Variants in GALNTL6 observed in about 807,000 individuals in gnomAD.
GALNTL6 encodes the protein polypeptide N-acetylgalactosaminyltransferase like 6, also known as polypeptide N-acetylgalactosaminyltransferase-like 6.
Under a neutral mutation model 73.7 loss-of-function variants are expected in GALNTL6, and 46 were observed. The observed-to-expected ratio is 0.62, with a 90% CI of 0.49 to 0.80. The LOEUF (loss-of-function observed/expected upper bound fraction) is 0.80, where lower values mean the gene tolerates loss of function less well. Ranked by LOEUF, GALNTL6 falls within the 30% of genes least tolerant of loss-of-function variation. The pLI, the probability that GALNTL6 is intolerant of heterozygous loss-of-function variation, is 0.00. For synonymous variants in GALNTL6, 259 were observed against 263.7 expected (o/e 0.98, Z 0.17); for missense variants, 604 against 755.0 (o/e 0.80, Z 2.34).
At chr4:172,826,247 T>C (rs1325587240) in intron 7 of GALNTL6, among the ~76,000 whole-genome samples, 1 of 152,336 alleles carries the variant, frequency 6.6e-6, no homozygotes, top group Admixed American at 6.5e-5. Context: ...TCTTGATCAA[T>C]ATACCTTCAA....
intron 4 of GALNTL6, among the ~76,000 whole-genome samples, chr4:172,334,846 T>A (rs1289789187): frequency 1.3e-5 from 2 of 152,226 alleles, no homozygotes; most frequent in Admixed American, 6.5e-5. Flanking sequence ...TTCAGTAGGA[T>A]GTTTGGCTGT....
intron 5 of GALNTL6, among the ~76,000 whole-genome samples, chr4:172,450,963 C>G (rs559374960): frequency 1.3e-5 from 2 of 152,168 alleles, no homozygotes; most frequent in Non-Finnish European, 2.9e-5. Flanking sequence ...TATGTACTTA[C>G]TGTCTGTCTT....
rs1200612903 is a variant in GALNTL6 at position 173,003,428 on chromosome 4, T to TC, written c.1372-5750_1372-5749insC. ...TGTTCATCTGCATTCTCCTTCGACT[T>TC]AAGTGCCGTGAGCAATCCCATGATA... On this transcript the variant is annotated intron_variant, in intron 10 of 12. Coordinates refer to ENST00000506823, the MANE Select transcript of GALNTL6 (RefSeq NM_001034845.3). Among the ~76,000 whole-genome samples the TC allele has an allele frequency of 2.6e-5, 4 of 152,284 alleles. No homozygotes were observed. The East Asian group carries it at 7.7e-4, about 29-fold the overall frequency.
intron 10 of GALNTL6, among the ~76,000 whole-genome samples, chr4:172,960,471 T>G (rs886539516): frequency 6.6e-6 from 1 of 151,798 alleles, no homozygotes; most frequent in Non-Finnish European, 1.5e-5. Flanking sequence ...AGGAGCAGCC[T>G]GGGGAGGAGG....
rs184696141 is a variant in GALNTL6, at chr4:171,910,106, A to G, written c.138+95388A>G. On this transcript the variant is annotated intron_variant, in intron 2 of 12. Transcript: ENST00000506823. ...AATAGTATATTTCTTTTCTAGAAAC[A>G]CTTAGCTAGCATAAAGCTTTTTAGT... is the stretch of plus-strand genomic sequence containing the variant. 3.4e-4 allele frequency among the ~76,000 whole-genome samples: 52 copies of G among 152,280 alleles called. 1 individual carries two copies. The South Asian group carries it at 7.0e-3, about 21-fold the overall frequency.
chr4:172,339,313 A>ACACG (rs1554015266), intron 4 of GALNTL6, among the ~76,000 whole-genome samples: 1 of 142,286 alleles, frequency 7.0e-6, no homozygotes, highest in African/African-American at 2.6e-5. Context: ...ACACACACAC[A>ACACG]CAGAGTTTCC....
At chr4:172,012,137 G>T (rs1349626553) in intron 2 of GALNTL6, among the ~76,000 whole-genome samples, 3 of 152,040 alleles carry the variant, frequency 2.0e-5, no homozygotes, top group African/African-American at 7.2e-5. Flanking sequence ...GGGCCATAAA[G>T]GCTACTGCTC....
At chr4:171,893,556 A>G (rs1736820554) in intron 2 of GALNTL6, among the ~76,000 whole-genome samples, 1 of 152,168 alleles carries the variant, frequency 6.6e-6, no homozygotes, top group Non-Finnish European at 1.5e-5. Context: ...AAAATAGAAA[A>G]TGCCCAATAT....
At chr4:172,657,449 A>G (rs1015934850) in intron 5 of GALNTL6, among the ~76,000 whole-genome samples, 20 of 151,582 alleles carry the variant, frequency 1.3e-4, no homozygotes, top group Non-Finnish European at 2.2e-4. Flanking sequence ...TTTTTTACCA[A>G]TCAGTCTTTG....
intron 10 of GALNTL6, among the ~76,000 whole-genome samples, chr4:173,003,657 AT>A (rs1278013557): frequency 3.9e-5 from 6 of 152,314 alleles, no homozygotes; most frequent in Admixed American, 3.3e-4. Flanking sequence ...TACAAACCTT[AT>A]GTTGAGCCAT....
chr4:172,810,839 A>T (rs1237422711), intron 6 of GALNTL6, among the ~76,000 whole-genome samples: 2 of 152,198 alleles, frequency 1.3e-5, no homozygotes, highest in Non-Finnish European at 2.9e-5. Context: ...AGATTCCCTC[A>T]AACAGAATTT....
intron 2 of GALNTL6, among the ~76,000 whole-genome samples, chr4:172,092,827 G>T: frequency 6.9e-6 from 1 of 145,452 alleles, no homozygotes; most frequent in South Asian, 2.2e-4. Context: ...TCAAATTTTA[G>T]TTTTATATCA....
intron 2 of GALNTL6, among the ~76,000 whole-genome samples, chr4:171,818,526 G>C (rs1734587423): frequency 6.8e-6 from 1 of 148,122 alleles, no homozygotes; most frequent in Admixed American, 6.8e-5. Flanking sequence ...GATCAGAACT[G>C]TTCAGAATGA....
intron 5 of GALNTL6, among the ~76,000 whole-genome samples, chr4:172,459,997 G>A (rs913464203): frequency 2.0e-5 from 3 of 152,144 alleles, no homozygotes; most frequent in Non-Finnish European, 4.4e-5. Context: ...AAACAGCATG[G>A]CACTGGTACC....
At chr4:171,911,020 G>A (rs1401347817) in intron 2 of GALNTL6, among the ~76,000 whole-genome samples, 7 of 152,104 alleles carry the variant, frequency 4.6e-5, no homozygotes, top group Non-Finnish European at 1.0e-4. Flanking sequence ...AATTCAAAGA[G>A]TAAAGGTACA....
intron 2 of GALNTL6, among the ~76,000 whole-genome samples, chr4:171,923,558 C>T (rs1427252418): frequency 6.2e-5 from 6 of 97,558 alleles, no homozygotes; most frequent in East Asian, 5.9e-4. Flanking sequence ...GCACCACTCC[C>T]GGCTAATTTT....
chr4:171,888,795 C>T (rs1736677693), intron 2 of GALNTL6, among the ~76,000 whole-genome samples: 1 of 151,986 alleles, frequency 6.6e-6, no homozygotes, highest in Admixed American at 6.6e-5. Flanking sequence ...AGACAGAATA[C>T]CTACTAAAGA....
intron 2 of GALNTL6, among the ~76,000 whole-genome samples, chr4:171,821,481 A>T (rs1734682539): frequency 6.6e-6 from 1 of 152,052 alleles, no homozygotes; most frequent in Admixed American, 6.6e-5. Flanking sequence ...TTTAGGCTTA[A>T]AAATTCTGGC....
intron 5 of GALNTL6, among the ~76,000 whole-genome samples, chr4:172,475,124 G>T (rs893146979): frequency 2.6e-5 from 4 of 152,134 alleles, no homozygotes; most frequent in African/African-American, 9.7e-5. Context: ...GAAATGTTGT[G>T]ATTTATTAAT....
Sources: allele counts gnomAD v4.1 joint callset (sites outside exome capture counted in the v4.1 genomes callset), GRCh38; gene constraint gnomAD v4.1.1; transcripts MANE v1.5; gene names NCBI Gene and HGNC (gene_info 2026-07-23, HGNC 2026-07-21).